PTPRG: variants seen among roughly 807,000 people sequenced by gnomAD.
The protein encoded by PTPRG is receptor-type tyrosine-protein phosphatase gamma.
In PTPRG, 102 loss-of-function variants were observed where a neutral mutation model predicts 165.3. That is an observed-to-expected ratio of 0.62 (90% confidence interval 0.53 to 0.73). The LOEUF (loss-of-function observed/expected upper bound fraction) is 0.73. Ranked by LOEUF, PTPRG falls within the 30% of genes least tolerant of loss-of-function variation. The pLI, the probability that PTPRG is intolerant of heterozygous loss-of-function variation, is 0.00. For synonymous variants in PTPRG, 675 were observed against 669.5 expected (o/e 1.01, Z -0.13); for missense variants, 1,866 against 1,861.4 (o/e 1.00, Z -0.05).
chr3:62,126,759 A>G (rs1703306416), intron 5 of PTPRG, among the ~76,000 whole-genome samples: 1 of 152,244 alleles, frequency 6.6e-6, no homozygotes, highest in Non-Finnish European at 1.5e-5. Flanking sequence ...TCGGGATTTC[A>G]TGAAAAGTCC....
chr3:62,221,224 G>C (rs1309661527), intron 13 of PTPRG, among the ~76,000 whole-genome samples: 2 of 151,960 alleles, frequency 1.3e-5, no homozygotes, highest in Non-Finnish European at 2.9e-5. Flanking sequence ...ATATTTTTAT[G>C]ATGTTTATTA....
intron 1 of PTPRG, among the ~76,000 whole-genome samples, chr3:61,632,534 A>G (rs1336724241): frequency 1.3e-5 from 2 of 152,220 alleles, no homozygotes; most frequent in African/African-American, 4.8e-5. Flanking sequence ...AGCCATTTTC[A>G]GATGAGATCA....
chr3:62,064,037 ATCT>A (rs1182810718), intron 4 of PTPRG, among the ~76,000 whole-genome samples: 3 of 151,990 alleles, frequency 2.0e-5, no homozygotes, highest in Non-Finnish European at 4.4e-5. Context: ...CCCTAAATGG[ATCT>A]ATTAGATTCA....
chr3:61,903,733 A>G (rs1559679638), intron 2 of PTPRG, among the ~76,000 whole-genome samples: 1 of 152,160 alleles, frequency 6.6e-6, no homozygotes. Flanking sequence ...CCAAAGATAC[A>G]TGTTTTTATT....
intron 2 of PTPRG, among the ~76,000 whole-genome samples, chr3:61,789,246 C>G (rs1253011035): frequency 2.6e-5 from 4 of 152,104 alleles, no homozygotes; most frequent in Non-Finnish European, 5.9e-5. Context: ...ACAATGAGTG[C>G]ATGCCACAAT....
chr3:61,889,056 A>G (rs1344402523), intron 2 of PTPRG, among the ~76,000 whole-genome samples: 1 of 152,192 alleles, frequency 6.6e-6, no homozygotes, highest in Non-Finnish European at 1.5e-5. Flanking sequence ...AAAGCTAATA[A>G]TGTTTTCTCA....
chr3:62,007,318 G>A (rs976646035), intron 4 of PTPRG, among the ~76,000 whole-genome samples: 2 of 152,228 alleles, frequency 1.3e-5, no homozygotes, highest in Non-Finnish European at 2.9e-5. Context: ...ACTCCGTCTT[G>A]TAGTTCCTAC....
At chr3:61,588,586 C>T (rs1424211660) in intron 1 of PTPRG, among the ~76,000 whole-genome samples, 1 of 151,900 alleles carries the variant, frequency 6.6e-6, no homozygotes, top group African/African-American at 2.4e-5. Flanking sequence ...GCTGGGACTA[C>T]AGGCCTGCAC....
At position 61,631,161 on chromosome 3, in the gene PTPRG, A is replaced by G. The variant is rs114110968; in HGVS notation, c.85+68789A>G. Among the ~76,000 whole-genome samples, 749 of 152,270 alleles carry G rather than the reference A, an allele frequency of 4.9e-3. 5 individuals carry two copies. Among genetic ancestry groups the G allele is most frequent in the African/African-American group, 0.015 (622 of 41,562 alleles). On this transcript the variant is annotated intron_variant, in intron 1 of 29. Coordinates refer to ENST00000474889, the MANE Select transcript of PTPRG (RefSeq NM_002841.4). ...GAATTGTTATCAGAAGTGAGGAAGC[A>G]GAGCTGACCATTAAAGTTTTTTACT...
rs374467670 is a variant in PTPRG, at chr3:61,573,087, C to T, written c.85+10715C>T. On this transcript the variant is annotated intron_variant, in intron 1 of 29. Transcript: ENST00000474889. ...GTCGTTTTCTGGCTCTACAAATGGCCTGCTCCTTGGATATTTCACAGTCAT... is the reference window on the plus strand; with the variant it reads ...GTCGTTTTCTGGCTCTACAAATGGCTTGCTCCTTGGATATTTCACAGTCAT... Among the ~76,000 whole-genome samples, 4 of 152,356 alleles carry T rather than the reference C, an allele frequency of 2.6e-5. 1 individual carries two copies.
intron 1 of PTPRG, chr3:61,743,083 G>A: frequency 2.5e-6 from 4 of 1,584,612 alleles, no homozygotes; most frequent in Admixed American, 1.7e-5. Context: ...CTCGTACAGG[G>A]TGTTGCGAGA....
At chr3:61,944,172 C>T (rs989437206) in intron 2 of PTPRG, among the ~76,000 whole-genome samples, 2 of 152,104 alleles carry the variant, frequency 1.3e-5, no homozygotes, top group East Asian at 1.9e-4. Context: ...TGGGTCTCTA[C>T]CCACTAGATA....
At chr3:62,152,760 A>G (rs936468444) in intron 6 of PTPRG, among the ~76,000 whole-genome samples, 4 of 152,200 alleles carry the variant, frequency 2.6e-5, no homozygotes, top group Non-Finnish European at 4.4e-5. Flanking sequence ...GCACCTGAAC[A>G]TATAGCATAA....
At chr3:61,963,759 T>A (rs9821352) in intron 2 of PTPRG, among the ~76,000 whole-genome samples, 36,735 of 152,030 alleles carry the variant, frequency 0.24, 5,012 homozygotes, top group African/African-American at 0.36. Flanking sequence ...ATGAACATAT[T>A]CATGACAAGT....
Position 61,676,722 on chromosome 3 carries a change from A to G in PTPRG, c.86-72156A>G, listed in dbSNP as rs138017851. On this transcript the variant is annotated intron_variant, in intron 1 of 29. Coordinates refer to ENST00000474889, the MANE Select transcript of PTPRG (RefSeq NM_002841.4). ...TGTATCTCTCTGTTGTTTATTTACC[A>G]TAAGTTACTAATTCCCATTTCTCAG... 2.3e-3 allele frequency among the ~76,000 whole-genome samples: 352 copies of G among 152,214 alleles called. 2 individuals carry two copies. The highest frequency in any genetic ancestry group is 5.5e-3 in the African/African-American group (229 of 41,536).
At chr3:61,781,890 G>GT (rs34682047) in intron 2 of PTPRG, among the ~76,000 whole-genome samples, 22,910 of 133,704 alleles carry the variant, frequency 0.17, 2,776 homozygotes, top group East Asian at 0.46. Context: ...ACCATGCCCA[G>GT]TTTTTTTTTT....
At chr3:62,275,673 G>A (rs969901715) in intron 23 of PTPRG, among the ~76,000 whole-genome samples, 200 bp from the exon 24 acceptor site, 4 of 152,098 alleles carry the variant, frequency 2.6e-5, no homozygotes, top group African/African-American at 9.7e-5. Flanking sequence ...GAGGTGGGAG[G>A]ATCACAGTTA....
chr3:62,273,818 A>C lies in PTPRG; in HGVS notation c.3439A>C (p.Lys1147Gln). ...NSILIPGVGGKTRLEKQFKLV... is the reference protein window; with the variant it reads ...NSILIPGVGGQTRLEKQFKLV... The stretch of plus-strand genomic sequence containing the variant: ...CATCCTTATACCAGGAGTAGGAGGA[A>C]AGACACGACTGGAAAAGCAATTCAA... Residue 1147 changes from lysine to glutamine, a missense_variant, in exon 23 of 30, where the codon AAG (lysine) becomes CAG (glutamine). By Grantham distance (53) the Lys-to-Gln change is moderately conservative. This residue lies in a region of PTPRG where 1,452 missense variants were observed against 1,463.0 expected (regional missense o/e 0.99). Coordinates refer to ENST00000474889, the MANE Select transcript of PTPRG (RefSeq NM_002841.4). This position sits in a 1 kb window ranked among gnomAD's most constrained non-coding sequence, Gnocchi z 4.1. The C allele has an allele frequency of 6.2e-7, 1 of 1,613,844 alleles. No homozygotes were observed. Among genetic ancestry groups the C allele is most frequent in the Non-Finnish European group, 8.5e-7 (1 of 1,179,786 alleles).
intron 2 of PTPRG, among the ~76,000 whole-genome samples, chr3:61,887,298 G>A (rs1200618382): frequency 6.6e-6 from 1 of 151,414 alleles, no homozygotes; most frequent in Non-Finnish European, 1.5e-5. Context: ...TAAGCCCCTG[G>A]CAATCATTTC....
Sources: gnomAD v4.1 joint callset for allele counts (sites outside exome capture counted in the v4.1 genomes callset) on GRCh38, gnomAD v4.1.1 for gene constraint, gnomAD v4.1.1 regional missense constraint, Gnocchi (gnomAD v3.1) non-coding constraint, MANE v1.5 for transcripts, NCBI Gene and HGNC (gene_info 2026-07-23, HGNC 2026-07-21) for gene names.